Variants in ESCO1 observed in about 807,000 individuals in gnomAD.
The protein encoded by ESCO1 is establishment of sister chromatid cohesion N-acetyltransferase 1.
In ESCO1, 33 loss-of-function variants were observed where a neutral mutation model predicts 83.5. That is an observed-to-expected ratio of 0.40 (90% CI 0.30 to 0.53). ESCO1 has a LOEUF of 0.53. Among genes scored for constraint, ESCO1 ranks in the 20% least tolerant of loss-of-function variants. The pLI is 0.63. For synonymous variants in ESCO1, 332 were observed against 324.3 expected, an observed-to-expected ratio of 1.02 and a Z score of -0.25; for missense variants, 855 against 968.0, an observed-to-expected ratio of 0.88 and a Z score of 1.55.
intron 1 of ESCO1, among the ~76,000 whole-genome samples, chr18:21,599,995 C>T (rs2038819089): frequency 6.6e-6 from 1 of 152,228 alleles, no homozygotes. Flanking sequence ...GCCGCCCTAC[C>T]TGTGCCGAGA....
intron 1 of ESCO1, among the ~76,000 whole-genome samples, chr18:21,590,313 C>T (rs2038646541): frequency 6.6e-6 from 1 of 151,666 alleles, no homozygotes; most frequent in Non-Finnish European, 1.5e-5. Flanking sequence ...CCTCCGCCTC[C>T]CCGGTTCAAG....
chr18:21,577,367 A>ATT (rs1568108725), intron 2 of ESCO1, among the ~76,000 whole-genome samples: 115 of 148,360 alleles, frequency 7.8e-4, no homozygotes, highest in African/African-American at 2.8e-3. Context: ...TTTTTAAAAA[A>ATT]AAAAAAAAAA....
At chr18:21,533,840 T>C (rs2037798347) in intron 10 of ESCO1, among the ~76,000 whole-genome samples, 3 of 152,208 alleles carry the variant, frequency 2.0e-5, no homozygotes, top group African/African-American at 7.2e-5. Flanking sequence ...TAAATCAATT[T>C]TGTTATTATA....
chr18:21,531,259 T>C (rs1384084922), intron 11 of ESCO1, among the ~76,000 whole-genome samples: 1 of 151,030 alleles, frequency 6.6e-6, no homozygotes. Context: ...CCAGGCGACA[T>C]AGCAAGACTC....
chr18:21,565,946 T>G (rs140177752), intron 6 of ESCO1, among the ~76,000 whole-genome samples, 200 bp downstream of exon 6: 203 of 151,388 alleles, frequency 1.3e-3, no homozygotes, highest in Middle Eastern at 3.4e-3. Context: ...AATAAATAAA[T>G]AAAGAAATAA....
intron 7 of ESCO1, among the ~76,000 whole-genome samples, chr18:21,562,697 TACTTTGGGTGCCTTAA>T (rs2038204516): frequency 6.6e-6 from 1 of 152,086 alleles, no homozygotes; most frequent in Non-Finnish European, 1.5e-5. Context: ...ATGTTCCTAG[TACTTTGGGTGCCTTAA>T]TTTTTTTATA....
At chr18:21,578,673 A>G (rs2038452258) in intron 2 of ESCO1, among the ~76,000 whole-genome samples, 1 of 152,064 alleles carries the variant, frequency 6.6e-6, no homozygotes, top group South Asian at 2.1e-4. Context: ...TGAGTAACAG[A>G]GCAAGATCTA....
At chr18:21,557,808 A>C (rs1004156677) in intron 8 of ESCO1, among the ~76,000 whole-genome samples, 2 of 152,144 alleles carry the variant, frequency 1.3e-5, no homozygotes, top group Non-Finnish European at 2.9e-5. Flanking sequence ...ACGTGGCTCA[A>C]TATGTATGCC....
rs1555672177 is a variant in ESCO1, at chr18:21,579,792, GCGCACACACACACACACACA to G, written c.-693-4035_-693-4016del. 1.1e-3 allele frequency among the ~76,000 whole-genome samples: 143 copies of G among 135,066 alleles called. 1 individual carries two copies. Among genetic ancestry groups the G allele is most frequent in the Non-Finnish European group, 1.6e-3 (108 of 65,778 alleles). 88.6% of individuals were successfully genotyped at this position (135,066 alleles called of 152,430 possible). A position where few individuals can be genotyped will look rare whatever the true frequency, so the allele number is the denominator to read the frequency against. On this transcript the variant is annotated intron_variant, in intron 2 of 11. Transcript: ENST00000269214. ...TTCTGACACACACACACACGCGCGC[GCGCACACACACACACACACA>G]CACACACACACACACACACACACAC...
At chr18:21,531,462 T>G (rs2037765636) in intron 11 of ESCO1, among the ~76,000 whole-genome samples, 1 of 151,728 alleles carries the variant, frequency 6.6e-6, no homozygotes, top group African/African-American at 2.4e-5. Context: ...TACTTGGGAA[T>G]AAATGTAACA....
At chr18:21,595,139 CA>C (rs1202683158) in intron 1 of ESCO1, among the ~76,000 whole-genome samples, 1 of 151,878 alleles carries the variant, frequency 6.6e-6, no homozygotes, top group Non-Finnish European at 1.5e-5. Context: ...GAATGTGAAC[CA>C]CCATGCCTAG....
chr18:21,564,650 C>T (rs550013725), intron 6 of ESCO1, among the ~76,000 whole-genome samples: 5 of 152,054 alleles, frequency 3.3e-5, no homozygotes, highest in Admixed American at 2.6e-4. Context: ...CCTGCCTCAG[C>T]CTCCCAAAGT....
intron 1 of ESCO1, among the ~76,000 whole-genome samples, chr18:21,593,941 A>C (rs2038723462): frequency 6.6e-6 from 1 of 152,188 alleles, no homozygotes; most frequent in African/African-American, 2.4e-5. Context: ...GTCACTATAA[A>C]GCAGGGTTTT....
chr18:21,593,768 A>G (rs1228047297), intron 1 of ESCO1, among the ~76,000 whole-genome samples: 1 of 151,662 alleles, frequency 6.6e-6, no homozygotes, highest in Non-Finnish European at 1.5e-5. Context: ...TCAAATTCAT[A>G]ACTCCTTTCT....
intron 5 of ESCO1, among the ~76,000 whole-genome samples, chr18:21,567,613 T>C (rs948978366): frequency 2.0e-5 from 3 of 152,136 alleles, no homozygotes; most frequent in Non-Finnish European, 2.9e-5. Context: ...TAAATAAGGG[T>C]TAAAGATAAG....
chr18:21,557,688 T>C (rs764836707), intron 8 of ESCO1, among the ~76,000 whole-genome samples: 1 of 152,188 alleles, frequency 6.6e-6, no homozygotes, highest in Non-Finnish European at 1.5e-5. Flanking sequence ...GGATTGAGTT[T>C]TTCTCAGCCA....
chr18:21,574,407 T>G lies in ESCO1; in HGVS notation c.437A>C (p.Gln146Pro), dbSNP rs1228996034. 1 of 1,614,036 alleles carries G rather than the reference T, an allele frequency of 6.2e-7. No homozygotes were observed. The highest frequency in any genetic ancestry group is 1.3e-5 in the African/African-American group (1 of 74,938). ...TGGTGGCAAACTCTGTTTAACTGCT[T>G]GAACTTGACCCTGAATTTCTCTACT... ...LRSREIQGQVQAVKQSLPPTK... is the reference protein window; with the variant it reads ...LRSREIQGQVPAVKQSLPPTK... Residue 146 changes from glutamine (Q) to proline (P), a missense_variant, in exon 4 of 12, where the codon CAA (glutamine) becomes CCA (proline). Physicochemically the swap from Gln to Pro is moderately conservative, Grantham distance 76 (BLOSUM62 -1). Transcript: ENST00000269214.
In ESCO1 at chr18:21,573,754, G is replaced by T; in HGVS notation, c.1090C>A (p.Arg364Ser). The change falls in exon 4 of 12, where the codon CGT becomes AGT. Residue 364 changes from arginine (R) to serine (S), a missense_variant. This residue lies in a region of ESCO1 where 726 missense variants were observed against 699.5 expected (regional missense o/e 1.04). Coordinates refer to ENST00000269214, the MANE Select transcript of ESCO1 (RefSeq NM_052911.3). ...KETNQDVQCN[R>S]FFPSRKTKPV... ...TTTGTTTTTCTACTTGGGAAAAAAC[G>T]ATTACATTGCACATCCTGATTTGTT... The T allele has an allele frequency of 3.1e-6, 5 of 1,614,098 alleles. No homozygotes were observed. Among genetic ancestry groups the T allele is most frequent in the Non-Finnish European group, 4.2e-6 (5 of 1,180,012 alleles).
rs754415293 is a variant in ESCO1 at position 21,564,235 on chromosome 18, C to T, written c.1789G>A (p.Ala597Thr). Reference protein sequence around the residue: ...TIPKDLKLKEAEKTDEKQLII... With the variant: ...TIPKDLKLKETEKTDEKQLII... ...AACTGTTTTTCATCAGTTTTCTCTGCTTCTTTTAGTTTCAAGTCCTTTGGA... is the reference window on the plus strand; with the variant it reads ...AACTGTTTTTCATCAGTTTTCTCTGTTTCTTTTAGTTTCAAGTCCTTTGGA... Residue 597 changes from alanine to threonine, a missense_variant, in exon 7 of 12, where the codon GCA becomes ACA. This residue lies in a region of ESCO1 where 726 missense variants were observed against 699.5 expected (regional missense o/e 1.04). Transcript: ENST00000269214. 6.8e-6 allele frequency: 11 copies of T among 1,609,078 alleles called. No individual in the cohort carries two copies. In the South Asian group the frequency reaches 1.0e-4, roughly 15 times the overall value.
Sources: gnomAD v4.1 joint callset for allele counts (sites outside exome capture counted in the v4.1 genomes callset) on GRCh38, gnomAD v4.1.1 for gene constraint, gnomAD v4.1.1 regional missense constraint, MANE v1.5 for transcripts, NCBI Gene and HGNC (gene_info 2026-07-23, HGNC 2026-07-21) for gene names.